UGT2B4: variants seen among roughly 807,000 people sequenced by gnomAD.
UGT2B4 encodes the protein UDP-glucuronosyltransferase 2B4.
Under a neutral mutation model 49.8 loss-of-function variants are expected in UGT2B4, and 49 were observed. The ratio of observed to expected loss-of-function variants is 0.98; its 90% CI spans 0.78 to 1.25. UGT2B4 has a LOEUF of 1.25. Among genes scored for constraint, UGT2B4 ranks in the 50% most tolerant of loss-of-function variants. The pLI is 0.00. For missense variants in UGT2B4, 729 were observed against 627.7 expected, an observed-to-expected ratio of 1.16 and a Z score of -1.73; for synonymous variants, 246 against 217.7, an observed-to-expected ratio of 1.13 and a Z score of -1.14.
Position 69,485,424 on chromosome 4 carries a change from T to A in UGT2B4, c.1094A>T (p.His365Leu), listed in dbSNP as rs754063772. 1 of 1,613,566 alleles carries A rather than the reference T, an allele frequency of 6.2e-7. No individual in the cohort carries two copies. ...KWIPQNDLLG[H>L]PKTRAFITHG... ...AGTTATAAAAGCTCTGGTTTTTGGG[T>A]GACCTAGGATTGGATGAATTTTAGC... The change falls in exon 5 of 6, where the codon CAC becomes CTC. Residue 365 changes from histidine to leucine, a missense_variant. His to Leu is a moderately conservative substitution (Grantham distance 99). Coordinates refer to ENST00000305107, the MANE Select transcript of UGT2B4 (RefSeq NM_021139.3).
chr4:69,493,022 T>G (rs1446613112), intron 2 of UGT2B4, among the ~76,000 whole-genome samples: 1 of 152,184 alleles, frequency 6.6e-6, no homozygotes, highest in Non-Finnish European at 1.5e-5. Flanking sequence ...TTTCAACTCC[T>G]GAGGAGTATC....
At chr4:69,485,011 T>C (rs1335504924) in intron 5 of UGT2B4, among the ~76,000 whole-genome samples, 197 bp downstream of exon 5, 1 of 152,180 alleles carries the variant, frequency 6.6e-6, no homozygotes, top group Non-Finnish European at 1.5e-5. Context: ...ATTTCAATAA[T>C]TGATTATTCA....
intron 1 of UGT2B4, among the ~76,000 whole-genome samples, chr4:69,505,712 A>C (rs768675119): frequency 6.6e-6 from 1 of 152,092 alleles, no homozygotes; most frequent in Non-Finnish European, 1.5e-5. Flanking sequence ...AGATCAAATA[A>C]ACCTGATAGA....
intron 1 of UGT2B4, among the ~76,000 whole-genome samples, chr4:69,524,974 T>C (rs571733294): frequency 1.8e-4 from 27 of 152,306 alleles, no homozygotes; most frequent in African/African-American, 6.5e-4. Context: ...TCATGGTATT[T>C]AGAAAGCATT....
chr4:69,511,192 G>C (rs1560441553), intron 1 of UGT2B4, among the ~76,000 whole-genome samples: 1 of 151,878 alleles, frequency 6.6e-6, no homozygotes, highest in African/African-American at 2.4e-5. Flanking sequence ...ATTTCACCAA[G>C]TTGACCAGGC....
Position 69,495,468 on chromosome 4 carries a change from A to C in UGT2B4, c.394T>G (p.Ser132Ala), listed in dbSNP as rs1385456318. Residue 132 changes from serine to alanine, a missense_variant, in exon 1 of 6, where the codon TCA becomes GCA. Physicochemically the swap from Ser to Ala is moderately conservative, Grantham distance 99. Coordinates refer to ENST00000305107, the MANE Select transcript of UGT2B4 (RefSeq NM_021139.3). Reference sequence around the variant, plus strand: ...AGTTTCTTCATAAGTTTCTTATTTGAAACTATATCCTTACAGAACTTTCTA... The same window carrying C: ...AGTTTCTTCATAAGTTTCTTATTTGCAACTATATCCTTACAGAACTTTCTA... ...ILRKFCKDIVSNKKLMKKLQE... is the reference protein window; with the variant it reads ...ILRKFCKDIVANKKLMKKLQE... 2 of 1,612,834 alleles carry C rather than the reference A, an allele frequency of 1.2e-6. No individual in the cohort carries two copies. Among genetic ancestry groups the C allele is most frequent in the African/African-American group, 2.7e-5 (2 of 74,922 alleles).
intron 1 of UGT2B4, among the ~76,000 whole-genome samples, chr4:69,525,005 A>G (rs17615130): frequency 0.35 from 53,456 of 152,050 alleles, 9,487 homozygotes; most frequent in Non-Finnish European, 0.37. Flanking sequence ...TGAATTTTAG[A>G]TTAAATTGTG....
chr4:69,502,123 TTCTTTCTTTCTTTC>T (rs1252833906), intron 1 of UGT2B4, among the ~76,000 whole-genome samples: 1 of 139,612 alleles, frequency 7.2e-6, no homozygotes, highest in African/African-American at 2.9e-5. Flanking sequence ...CTTTCTTTCT[TTCTTTCTTTCTTTC>T]TTTCTTTCTT....
At chr4:69,522,810 C>G (rs892674607) in intron 1 of UGT2B4, among the ~76,000 whole-genome samples, 2 of 152,160 alleles carry the variant, frequency 1.3e-5, no homozygotes, top group South Asian at 4.1e-4. Flanking sequence ...CATAGTAGAA[C>G]TTCTTTCAGA....
chr4:69,494,332 T>C (rs1383819141), intron 1 of UGT2B4, among the ~76,000 whole-genome samples: 2 of 152,192 alleles, frequency 1.3e-5, no homozygotes, highest in East Asian at 3.8e-4. Flanking sequence ...CTGAAATCCT[T>C]GTACCTACTA....
At chr4:69,522,205 G>A (rs1270768571) in intron 1 of UGT2B4, among the ~76,000 whole-genome samples, 1 of 6,428 alleles carries the variant, frequency 1.6e-4, no homozygotes, top group Non-Finnish European at 3.0e-4. Context: ...GTGAGAATAA[G>A]AAATTAGAAA....
rs1344950282 is a variant in UGT2B4 at position 69,480,851 on chromosome 4, A to G, written c.1370T>C (p.Leu457Pro). 1.2e-6 allele frequency: 2 copies of G among 1,613,884 alleles called. No homozygotes were observed. The highest frequency in any genetic ancestry group is 1.7e-5 in the Admixed American group (1 of 60,008). Residue 457 changes from leucine to proline, a missense_variant, in exon 6 of 6, where the codon CTT (leucine) becomes CCT (proline). Coordinates refer to ENST00000305107, the MANE Select transcript of UGT2B4 (RefSeq NM_021139.3). ...RIHHDQPVKP[L>P]DRAVFWIEFV... ...TTCAATCCAGAAGACTGCTCGATCA[A>G]GGGGCTTCACTGGTTGATCATGATG... is the stretch of plus-strand genomic sequence containing the variant.
At chr4:69,511,437 T>C (rs1728600456) in intron 1 of UGT2B4, among the ~76,000 whole-genome samples, 1 of 152,228 alleles carries the variant, frequency 6.6e-6, no homozygotes, top group Non-Finnish European at 1.5e-5. Flanking sequence ...CATCATTCTG[T>C]TAATGTGTAT....
intron 1 of UGT2B4, among the ~76,000 whole-genome samples, chr4:69,515,739 T>C (rs947536199): frequency 2.6e-5 from 4 of 151,760 alleles, no homozygotes; most frequent in African/African-American, 9.7e-5. Flanking sequence ...TTGAAAAAGC[T>C]AATAAAATAG....
Position 69,512,735 on chromosome 4 carries a change from T to C in UGT2B4, c.-106+12952A>G, listed in dbSNP as rs190806249. 1.2e-4 allele frequency among the ~76,000 whole-genome samples: 19 copies of C among 152,116 alleles called. No individual in the cohort carries two copies. The East Asian group carries it at 3.5e-3, about 28-fold the overall frequency. On this transcript the variant is annotated intron_variant, in intron 1 of 1. Coordinates refer to the UGT2B4 transcript ENST00000510114. Reference sequence around the variant, plus strand: ...CATCTGTTTTTTTTTTGTTTGTTTGTTTGTTTTGTTTTGTTTTGTTTGACT... The same window carrying C: ...CATCTGTTTTTTTTTTGTTTGTTTGCTTGTTTTGTTTTGTTTTGTTTGACT...
intron 1 of UGT2B4, among the ~76,000 whole-genome samples, chr4:69,515,870 A>T (rs958356172): frequency 6.6e-6 from 1 of 152,206 alleles, no homozygotes; most frequent in Non-Finnish European, 1.5e-5. Context: ...CACAGGGTAC[A>T]TGTGCAGGAT....
chr4:69,500,591 A>AAGCAAGAC (rs2109819430), upstream of UGT2B4, among the ~76,000 whole-genome samples: 1 of 101,394 alleles, frequency 9.9e-6, no homozygotes, highest in African/African-American at 3.3e-5. Flanking sequence ...GCAAGAAAGC[A>AAGCAAGAC]AGCAAGAAAG....
chr4:69,509,475 T>C (rs949401981), intron 1 of UGT2B4, among the ~76,000 whole-genome samples: 22 of 152,192 alleles, frequency 1.4e-4, no homozygotes, highest in Admixed American at 3.3e-4. Context: ...TTTTGATTTC[T>C]CCATATCCAA....
chr4:69,484,990 T>A (rs1176312320), intron 5 of UGT2B4, among the ~76,000 whole-genome samples: 1 of 152,178 alleles, frequency 6.6e-6, no homozygotes, highest in African/African-American at 2.4e-5. Context: ...ATTATTTTTG[T>A]GTAGAAAATT....
Sources: gnomAD v4.1 joint callset for allele counts (sites outside exome capture counted in the v4.1 genomes callset) on GRCh38, gnomAD v4.1.1 for gene constraint, MANE v1.5 for transcripts, NCBI Gene and HGNC (gene_info 2026-07-23, HGNC 2026-07-21) for gene names.